SOX5: variants seen among roughly 807,000 people sequenced by gnomAD.
SOX5 encodes the protein transcription factor SOX-5.
Under a neutral mutation model 92.0 loss-of-function variants are expected in SOX5, and 9 were observed. The observed-to-expected ratio is 0.10, with a 90% CI of 0.06 to 0.17. The LOEUF (loss-of-function observed/expected upper bound fraction) is 0.17, where lower values mean the gene tolerates loss of function less well. SOX5 is among the 10% of genes least tolerant of loss of function. The pLI is 1.00. For synonymous variants in SOX5, 344 were observed against 336.3 expected (o/e 1.02, Z -0.25); for missense variants, 642 against 944.5 (o/e 0.68, Z 4.20).
intron 4 of SOX5, among the ~76,000 whole-genome samples, chr12:24,086,005 G>A (rs917989106): frequency 1.3e-5 from 2 of 151,594 alleles, no homozygotes; most frequent in African/African-American, 4.8e-5. Context: ...ATTTTACTTG[G>A]TAGTAAAATA....
intron 3 of SOX5, among the ~76,000 whole-genome samples, chr12:23,783,410 G>A (rs2095320405): frequency 6.6e-6 from 1 of 152,162 alleles, no homozygotes; most frequent in African/African-American, 2.4e-5. Context: ...ATAATCAAAT[G>A]ATAATTTTGT....
intron 1 of SOX5, among the ~76,000 whole-genome samples, chr12:24,469,535 A>G (rs1944575630): frequency 6.6e-6 from 1 of 152,090 alleles, no homozygotes; most frequent in Non-Finnish European, 1.5e-5. Context: ...TATTTAACTC[A>G]TGCCTTTAGA....
At chr12:23,539,057 G>A (rs1427080677) in intron 13 of SOX5, among the ~76,000 whole-genome samples, 2 of 151,548 alleles carry the variant, frequency 1.3e-5, no homozygotes, top group Non-Finnish European at 2.9e-5. Flanking sequence ...TGCCCGGTTC[G>A]GCCTCCCAAA....
At chr12:24,334,386 TAAAC>T in intron 2 of SOX5, among the ~76,000 whole-genome samples, 1 of 151,886 alleles carries the variant, frequency 6.6e-6, no homozygotes, top group East Asian at 1.9e-4. Flanking sequence ...CCCCAAAAAA[TAAAC>T]AAAGGATGTG....
At chr12:24,544,040 A>G (rs1202000969) in intron 1 of SOX5, among the ~76,000 whole-genome samples, 1 of 152,232 alleles carries the variant, frequency 6.6e-6, no homozygotes, top group Non-Finnish European at 1.5e-5. Flanking sequence ...ATGAAAAGTA[A>G]TAATAATGCT....
chr12:23,854,974 T>C (rs1242945835), intron 2 of SOX5, among the ~76,000 whole-genome samples: 1 of 152,078 alleles, frequency 6.6e-6, no homozygotes, highest in Non-Finnish European at 1.5e-5. Context: ...ACAAGAGCTA[T>C]ATAAGTGTTT....
intron 2 of SOX5, among the ~76,000 whole-genome samples, chr12:24,337,052 T>TTC (rs1432453179): frequency 6.6e-6 from 1 of 152,162 alleles, no homozygotes; most frequent in East Asian, 1.9e-4. Flanking sequence ...GATCTCAAAA[T>TTC]TCTCTGTCAC....
At chr12:24,244,238 C>T (rs1023643312) in intron 3 of SOX5, among the ~76,000 whole-genome samples, 4 of 152,106 alleles carry the variant, frequency 2.6e-5, no homozygotes, top group Admixed American at 1.3e-4. Context: ...ACAACATCCA[C>T]GGGCGATCGG....
chr12:23,826,150 A>G (rs950940175), intron 3 of SOX5, among the ~76,000 whole-genome samples: 1 of 151,718 alleles, frequency 6.6e-6, no homozygotes, highest in Non-Finnish European at 1.5e-5. Context: ...CATTAGGTAT[A>G]TCTCCTAATG....
chr12:23,796,910 T>C (rs2095573364), intron 3 of SOX5, among the ~76,000 whole-genome samples: 1 of 146,678 alleles, frequency 6.8e-6, no homozygotes, highest in Non-Finnish European at 1.5e-5. Context: ...TATATATTTA[T>C]ATATATATAT....
At chr12:24,128,863 T>C (rs1057180120) in intron 4 of SOX5, among the ~76,000 whole-genome samples, 2 of 151,860 alleles carry the variant, frequency 1.3e-5, no homozygotes, top group African/African-American at 4.8e-5. Context: ...GAAGAGAGAG[T>C]AGGCAAAGTG....
rs189498790 is a variant in SOX5, at chr12:24,098,322, G to A, written c.-2+115021C>T. On this transcript the variant is annotated intron_variant, in intron 4 of 4. Transcript: ENST00000446891. Reference sequence around the variant, plus strand: ...ATTTCCTGCTCTTGGGGTTTCCAGTGGCAGTCCACTATTTTTACTCTTATC... The same window carrying A: ...ATTTCCTGCTCTTGGGGTTTCCAGTAGCAGTCCACTATTTTTACTCTTATC... Among the ~76,000 whole-genome samples, 250 of 152,208 alleles carry A rather than the reference G, an allele frequency of 1.6e-3. 2 individuals carry two copies. Among genetic ancestry groups the A allele is most frequent in the Middle Eastern group, 6.8e-3 (2 of 294 alleles).
chr12:23,938,683 T>C (rs1369616186), intron 1 of SOX5, among the ~76,000 whole-genome samples: 1 of 150,978 alleles, frequency 6.6e-6, no homozygotes, highest in Non-Finnish European at 1.5e-5. Context: ...TATTAGTGCA[T>C]CAGATGTCCT....
intron 2 of SOX5, among the ~76,000 whole-genome samples, chr12:24,351,613 C>T (rs79197697): frequency 0.014 from 2,134 of 152,200 alleles, 42 homozygotes; most frequent in African/African-American, 0.048. Context: ...TTAAAAATTG[C>T]TAATGTCAAC....
chr12:24,377,813 A>C (rs139649370), intron 1 of SOX5, among the ~76,000 whole-genome samples: 1 of 152,344 alleles, frequency 6.6e-6, no homozygotes, highest in Non-Finnish European at 1.5e-5. Context: ...AAACACTTAG[A>C]ACCATCCCTG....
At chr12:24,243,668 A>G (rs1212182494) in intron 3 of SOX5, among the ~76,000 whole-genome samples, 1 of 152,190 alleles carries the variant, frequency 6.6e-6, no homozygotes, top group Non-Finnish European at 1.5e-5. Flanking sequence ...TTAACTAACC[A>G]CTTATGAAAA....
At chr12:23,641,903 T>A (rs954782008) in intron 7 of SOX5, among the ~76,000 whole-genome samples, 2 of 152,216 alleles carry the variant, frequency 1.3e-5, no homozygotes, top group Non-Finnish European at 2.9e-5. Flanking sequence ...ACTCAGTTAA[T>A]ACGCCATTCA....
chr12:24,043,919 A>G (rs1338324289), intron 4 of SOX5, among the ~76,000 whole-genome samples: 1 of 152,212 alleles, frequency 6.6e-6, no homozygotes, highest in African/African-American at 2.4e-5. Flanking sequence ...ATAATTTTCA[A>G]TTTAACCTTA....
intron 9 of SOX5, 122 bp from the exon 10 acceptor site, chr12:23,575,960 A>G (rs1949040861): frequency 2.9e-6 from 2 of 690,718 alleles, no homozygotes; most frequent in South Asian, 4.3e-5. Flanking sequence ...TGATCTTAAC[A>G]TTCATTCTGA....
Sources: gnomAD v4.1 joint callset for allele counts (sites outside exome capture counted in the v4.1 genomes callset) on GRCh38, gnomAD v4.1.1 for gene constraint, MANE v1.5 for transcripts, NCBI Gene and HGNC (gene_info 2026-07-23, HGNC 2026-07-21) for gene names.